Variants in THSD4 observed in about 807,000 individuals in gnomAD.
The protein encoded by THSD4 is thrombospondin type 1 domain containing 4.
THSD4 carries 69 observed loss-of-function variants against 119.0 expected under a neutral mutation model. That is an observed-to-expected ratio of 0.58 (90% CI 0.48 to 0.71). THSD4 has a LOEUF of 0.71. Ranked by LOEUF, THSD4 falls within the 30% of genes least tolerant of loss-of-function variation. The pLI is 0.00. For missense variants in THSD4, 1,393 were observed against 1,391.1 expected (o/e 1.00, Z -0.02); for synonymous variants, 524 against 540.4 (o/e 0.97, Z 0.42).
At chr15:71,161,166 A>T (rs1355883153) in intron 3 of THSD4, among the ~76,000 whole-genome samples, 1 of 152,054 alleles carries the variant, frequency 6.6e-6, no homozygotes, top group Non-Finnish European at 1.5e-5. Flanking sequence ...TTGTGGCCTG[A>T]CGTGTGATCT....
At chr15:71,142,059 C>T (rs1441495115) in intron 2 of THSD4, among the ~76,000 whole-genome samples, 2 of 151,860 alleles carry the variant, frequency 1.3e-5, no homozygotes, top group South Asian at 2.1e-4. Flanking sequence ...GTATATTTAC[C>T]GTGGTTGCAT....
chr15:71,226,007 C>CAAGAAGGGGG (rs2044015668), intron 4 of THSD4, among the ~76,000 whole-genome samples: 1 of 152,022 alleles, frequency 6.6e-6, no homozygotes, highest in African/African-American at 2.4e-5. Context: ...TCTTGGACAG[C>CAAGAAGGGGG]CCCCTTCCAT....
At chr15:71,499,636 T>A (rs941786279) in intron 7 of THSD4, among the ~76,000 whole-genome samples, 1 of 152,184 alleles carries the variant, frequency 6.6e-6, no homozygotes, top group African/African-American at 2.4e-5. Context: ...GAAACTCTGT[T>A]CCCATTGAAC....
At chr15:71,743,624 A>AT (rs2053278138) in intron 11 of THSD4, among the ~76,000 whole-genome samples, 1 of 152,218 alleles carries the variant, frequency 6.6e-6, no homozygotes, top group Non-Finnish European at 1.5e-5. Context: ...TCAGCCAATA[A>AT]TTGTGCTTAA....
chr15:71,428,664 A>G (rs867207791), intron 7 of THSD4, among the ~76,000 whole-genome samples: 4 of 152,246 alleles, frequency 2.6e-5, no homozygotes, highest in Admixed American at 6.5e-5. Flanking sequence ...TTTTGAGGAC[A>G]AAAGTGTCAG....
intron 6 of THSD4, among the ~76,000 whole-genome samples, chr15:71,380,513 G>A (rs2046215001): frequency 1.3e-5 from 2 of 152,054 alleles, no homozygotes; most frequent in South Asian, 4.1e-4. Context: ...AGACGACTGT[G>A]ATCACTATCA....
intron 4 of THSD4, among the ~76,000 whole-genome samples, chr15:71,218,086 T>C (rs2043949021): frequency 6.6e-6 from 1 of 152,236 alleles, no homozygotes; most frequent in Non-Finnish European, 1.5e-5. Context: ...CAGGCACTGT[T>C]CTTATCACTT....
chr15:71,765,023 T>G lies in THSD4; in HGVS notation c.2593T>G (p.Ser865Ala). ...CTTTTTCTGCTTCTTTCTGCAGTGT[T>G]CCATCGAGTGTGGGAGCGGGACGCA... ...EWFAGSWSQC[S>A]IECGSGTQQR... The change falls in exon 16 of 18, where the codon TCC becomes GCC. Residue 865 changes from serine (S) to alanine (A), a missense_variant. By Grantham distance (99) the Ser-to-Ala change is moderately conservative (BLOSUM62 1). Coordinates refer to ENST00000261862, the MANE Select transcript of THSD4 (RefSeq NM_024817.3). The G allele has an allele frequency of 1.2e-6, 2 of 1,613,690 alleles. No individual in the cohort carries two copies. The highest frequency in any genetic ancestry group is 1.7e-6 in the Non-Finnish European group (2 of 1,179,760).
At chr15:71,369,485 G>A (rs1222507953) in intron 6 of THSD4, among the ~76,000 whole-genome samples, 1 of 152,142 alleles carries the variant, frequency 6.6e-6, no homozygotes, top group African/African-American at 2.4e-5. Flanking sequence ...AGAGTTTTTA[G>A]CATGAAGGGC....
rs180784252 is a variant in THSD4, at chr15:71,145,562, G to T, written c.29+4006G>T. On this transcript the variant is annotated intron_variant, in intron 2 of 17. Coordinates refer to ENST00000261862, the MANE Select transcript of THSD4 (RefSeq NM_024817.3). Reference sequence around the variant, plus strand: ...CTGCACTTAGAAATACAACCAAAAGGGTTGAGGAAATGAGAAAGAGAAAGG... The same window carrying T: ...CTGCACTTAGAAATACAACCAAAAGTGTTGAGGAAATGAGAAAGAGAAAGG... Among the ~76,000 whole-genome samples the T allele has an allele frequency of 2.0e-5, 3 of 152,244 alleles. No homozygotes were observed. The East Asian group carries it at 5.8e-4, about 29-fold the overall frequency.
intron 7 of THSD4, among the ~76,000 whole-genome samples, chr15:71,500,658 G>C (rs940684796): frequency 2.6e-5 from 4 of 152,186 alleles, no homozygotes; most frequent in Non-Finnish European, 5.9e-5. Context: ...TTTGTACATA[G>C]TGTAAGGTAA....
At chr15:71,473,776 T>A (rs1477822529) in intron 7 of THSD4, among the ~76,000 whole-genome samples, 2 of 152,192 alleles carry the variant, frequency 1.3e-5, no homozygotes, top group African/African-American at 4.8e-5. Context: ...AAAGTCCCCA[T>A]GCATGCTGTG....
In THSD4 at chr15:71,444,978, G is replaced by A. The variant is rs1304511364; in HGVS notation, c.1152+33155G>A. On this transcript the variant is annotated intron_variant, in intron 7 of 17. Coordinates refer to ENST00000261862, the MANE Select transcript of THSD4 (RefSeq NM_024817.3). Reference sequence around the variant, plus strand: ...TAGCATGGCATTCAGTATGTTCCATGATCTAGCCCCTGCCTACCTCTCCAT... The same window carrying A: ...TAGCATGGCATTCAGTATGTTCCATAATCTAGCCCCTGCCTACCTCTCCAT... 2.0e-5 allele frequency among the ~76,000 whole-genome samples: 3 copies of A among 152,130 alleles called. No homozygotes were observed. In the East Asian group the frequency reaches 5.8e-4, roughly 29 times the overall value.
At chr15:71,701,015 A>G (rs1166342945) in intron 8 of THSD4, among the ~76,000 whole-genome samples, 1 of 152,116 alleles carries the variant, frequency 6.6e-6, no homozygotes, top group East Asian at 1.9e-4. Flanking sequence ...TATAAGCATT[A>G]AAAAGGTTTA....
intron 6 of THSD4, among the ~76,000 whole-genome samples, chr15:71,376,958 G>A (rs1231160136): frequency 1.3e-5 from 2 of 152,212 alleles, no homozygotes; most frequent in East Asian, 3.9e-4. Flanking sequence ...TTAAGGAGAT[G>A]CTGTACGAAT....
chr15:71,510,967 A>G (rs74700439), intron 7 of THSD4, among the ~76,000 whole-genome samples: 205 of 98,964 alleles, frequency 2.1e-3, no homozygotes, highest in African/African-American at 4.5e-3. Context: ...GGATGACCTC[A>G]CGTTTGGCGG....
chr15:71,486,169 C>T lies in THSD4; in HGVS notation c.1152+74346C>T, dbSNP rs534529904. Among the ~76,000 whole-genome samples the T allele has an allele frequency of 1.4e-3, 219 of 152,202 alleles. 8 individuals are homozygous for T. In the South Asian group the frequency reaches 0.042, roughly 29 times the overall value. On this transcript the variant is annotated intron_variant, in intron 7 of 17. Coordinates refer to ENST00000261862, the MANE Select transcript of THSD4 (RefSeq NM_024817.3). ...CCTCTATCTCAAAATATCTCTTTCT[C>T]GGAGTCAGAGTTGAAGTGGTATCCA...
chr15:71,623,364 G>A (rs1030391247), intron 7 of THSD4, among the ~76,000 whole-genome samples: 8 of 152,168 alleles, frequency 5.3e-5, no homozygotes, highest in African/African-American at 1.9e-4. Context: ...ATAGCCTTAT[G>A]AAAGAAGTAC....
In THSD4 at chr15:71,640,980, G is replaced by GACAC. The variant is rs10551548; in HGVS notation, c.1153-19519_1153-19516dup. Among the ~76,000 whole-genome samples the GACAC allele has an allele frequency of 4.4e-3, 641 of 146,712 alleles. 1 individual carries two copies. The highest frequency in any genetic ancestry group is 5.4e-3 in the Non-Finnish European group (356 of 66,028). On this transcript the variant is annotated intron_variant, in intron 7 of 17. Coordinates refer to ENST00000261862, the MANE Select transcript of THSD4 (RefSeq NM_024817.3). Reference sequence around the variant, plus strand: ...ATCTTTCCTTCAAAACCCACCTACAGACACACACACACACACACACACACA... The same window carrying GACAC: ...ATCTTTCCTTCAAAACCCACCTACAGACACACACACACACACACACACACACACA...
Sources: gnomAD v4.1 joint callset for allele counts (sites outside exome capture counted in the v4.1 genomes callset) on GRCh38, gnomAD v4.1.1 for gene constraint, MANE v1.5 for transcripts, NCBI Gene and HGNC (gene_info 2026-07-23, HGNC 2026-07-21) for gene names.